NRXN1: variants seen among roughly 807,000 people sequenced by gnomAD.
NRXN1 encodes the protein neurexin 1.
NRXN1 carries 39 observed loss-of-function variants against 150.9 expected under a neutral mutation model. The observed-to-expected ratio is 0.26, with a 90% confidence interval of 0.20 to 0.34. The LOEUF (loss-of-function observed/expected upper bound fraction) is 0.34, where lower values mean the gene tolerates loss of function less well. Among genes scored for constraint, NRXN1 ranks in the 10% least tolerant of loss-of-function variants. The pLI, the probability that NRXN1 is intolerant of heterozygous loss-of-function variation, is 1.00. For synonymous variants in NRXN1, 924 were observed against 757.0 expected (o/e 1.22, Z -3.62); for missense variants, 1,815 against 1,949.9 (o/e 0.93, Z 1.30).
chr2:49,967,785 T>C (rs1194125944), intron 21 of NRXN1, among the ~76,000 whole-genome samples: 1 of 152,056 alleles, frequency 6.6e-6, no homozygotes, highest in Admixed American at 6.6e-5. Flanking sequence ...TGTGGAAAAC[T>C]AGAAAGTCAG....
Position 50,683,134 on chromosome 2 carries a change from A to G in NRXN1, c.833-59519T>C, listed in dbSNP as rs568176426. On this transcript the variant is annotated intron_variant, in intron 5 of 22. Coordinates refer to ENST00000401669, the MANE Select transcript of NRXN1 (RefSeq NM_001330078.2). ...TCCTGCAATCCTAACTTCCCAGAGC[A>G]GACTACTAATATATTACAAAGTAAT... Among the ~76,000 whole-genome samples, 8 of 152,194 alleles carry G rather than the reference A, an allele frequency of 5.3e-5. No homozygotes were observed. The South Asian group carries it at 1.5e-3, about 28-fold the overall frequency.
chr2:50,300,475 C>T (rs2074045636), intron 17 of NRXN1, among the ~76,000 whole-genome samples: 1 of 152,168 alleles, frequency 6.6e-6, no homozygotes, highest in Non-Finnish European at 1.5e-5. Context: ...TTAAAATTGT[C>T]CCATTAATAA....
intron 5 of NRXN1, among the ~76,000 whole-genome samples, chr2:50,726,808 A>G (rs1239147405): frequency 6.6e-6 from 1 of 152,206 alleles, no homozygotes; most frequent in African/African-American, 2.4e-5. Context: ...CCTAATGGAA[A>G]TAAGGGTAAC....
chr2:50,372,908 A>C (rs973278885), intron 17 of NRXN1, among the ~76,000 whole-genome samples: 3 of 152,112 alleles, frequency 2.0e-5, no homozygotes, highest in Non-Finnish European at 2.9e-5. Context: ...CTTCAAAAAC[A>C]CACCTTACCA....
chr2:49,947,560 C>T (rs1203132169), intron 21 of NRXN1, among the ~76,000 whole-genome samples: 32 of 129,726 alleles, frequency 2.5e-4, no homozygotes, highest in African/African-American at 8.9e-4. Flanking sequence ...CTCAGTCTCA[C>T]TGTGTTACCC....
rs562741098 is a variant in NRXN1 at position 49,926,037 on chromosome 2, A to G, written c.4217-3786T>C. ...AATGGAAAACTTCAGTAGGACTGAC[A>G]GTGGTCTACTACAAGCAAGGAGAGC... On this transcript the variant is annotated intron_variant, in intron 22 of 22. Coordinates refer to ENST00000401669, the MANE Select transcript of NRXN1 (RefSeq NM_001330078.2). 2.0e-5 allele frequency among the ~76,000 whole-genome samples: 3 copies of G among 152,364 alleles called. No individual in the cohort carries two copies. In the South Asian group the frequency reaches 6.2e-4, roughly 32 times the overall value.
chr2:49,943,706 A>T lies in NRXN1; in HGVS notation c.4214T>A (p.Leu1405Ter). 1 of 1,609,222 alleles carries T rather than the reference A, an allele frequency of 6.2e-7. No individual in the cohort carries two copies. The highest frequency in any genetic ancestry group is 8.5e-7 in the Non-Finnish European group (1 of 1,176,776). The change falls in exon 22 of 23, where the codon TTA (leucine) becomes TAA (stop). Residue 1405 changes from leucine to a stop codon, truncating the protein, a stop_gained and splice_region_variant. Coordinates refer to ENST00000401669, the MANE Select transcript of NRXN1 (RefSeq NM_001330078.2). LOFTEE classifies it high-confidence loss of function. ...IDPCEPSSGG[L>*]ANPTRAGGRE... Reference sequence around the variant, plus strand: ...AGTAAGAAAAAAAGTTGACTAACCTAACCCACCTGAGCTCGGCTCACAGGG... The same window carrying T: ...AGTAAGAAAAAAAGTTGACTAACCTTACCCACCTGAGCTCGGCTCACAGGG...
At chr2:50,251,697 T>C (rs989628248) in intron 17 of NRXN1, among the ~76,000 whole-genome samples, 19 of 152,178 alleles carry the variant, frequency 1.2e-4, no homozygotes, top group African/African-American at 4.6e-4. Context: ...GCATCTGCTG[T>C]TTCTTGACTC....
chr2:50,625,168 T>A (rs1474540812), intron 5 of NRXN1, among the ~76,000 whole-genome samples: 1 of 152,002 alleles, frequency 6.6e-6, no homozygotes, highest in Admixed American at 6.6e-5. Flanking sequence ...ACTATTTTCA[T>A]TTGATTGTCA....
chr2:50,435,059 G>A (rs6545170), intron 17 of NRXN1, among the ~76,000 whole-genome samples: 83,577 of 151,866 alleles, frequency 0.55, 26,774 homozygotes, highest in East Asian at 0.92. Context: ...GTATATTTAC[G>A]GGGTTATACT....
chr2:50,148,614 A>T (rs1026739091), intron 18 of NRXN1, among the ~76,000 whole-genome samples: 4 of 151,680 alleles, frequency 2.6e-5, no homozygotes, highest in African/African-American at 9.7e-5. Context: ...TTTCTGAAAA[A>T]GTTCCAAGTT....
At chr2:50,856,831 C>T (rs937144970) in intron 5 of NRXN1, among the ~76,000 whole-genome samples, 1 of 152,040 alleles carries the variant, frequency 6.6e-6, no homozygotes, top group African/African-American at 2.4e-5. Context: ...AGCAATATCA[C>T]GTTCCCATGT....
At chr2:50,578,550 A>G (rs1426794989) in intron 8 of NRXN1, among the ~76,000 whole-genome samples, 1 of 152,166 alleles carries the variant, frequency 6.6e-6, no homozygotes, top group Non-Finnish European at 1.5e-5. Context: ...TATTTACATA[A>G]ACACAGTCTA....
intron 17 of NRXN1, among the ~76,000 whole-genome samples, chr2:50,241,350 G>A (rs1410313821): frequency 6.6e-6 from 1 of 151,704 alleles, no homozygotes; most frequent in Non-Finnish European, 1.5e-5. Context: ...AATATGCAGT[G>A]GCAGTACATC....
chr2:50,278,464 T>C (rs2070961904), intron 17 of NRXN1, among the ~76,000 whole-genome samples: 1 of 150,248 alleles, frequency 6.7e-6, no homozygotes, highest in Non-Finnish European at 1.5e-5. Flanking sequence ...TGATCATAGA[T>C]AGTACCTTTA....
chr2:50,446,242 A>C (rs185497998), intron 17 of NRXN1, among the ~76,000 whole-genome samples: 530 of 152,296 alleles, frequency 3.5e-3, no homozygotes, highest in African/African-American at 0.012. Flanking sequence ...TTTGTAATAT[A>C]TAAATTGTAC....
At chr2:50,984,100 T>C (rs928303362) in intron 2 of NRXN1, among the ~76,000 whole-genome samples, 14 of 150,916 alleles carry the variant, frequency 9.3e-5, no homozygotes, top group Non-Finnish European at 2.1e-4. Flanking sequence ...CCCAAGTAGC[T>C]ATGACTACAG....
chr2:49,941,854 AG>A (rs1235793760), intron 22 of NRXN1, among the ~76,000 whole-genome samples: 8 of 152,332 alleles, frequency 5.3e-5, no homozygotes, highest in African/African-American at 1.9e-4. Flanking sequence ...GATAGAAAAA[AG>A]AATGTCCTGG....
At chr2:50,539,953 A>G (rs13413672) in intron 9 of NRXN1, among the ~76,000 whole-genome samples, 14,665 of 152,208 alleles carry the variant, frequency 0.096, 1,556 homozygotes, top group African/African-American at 0.26. Context: ...GTGAAAACAC[A>G]TATCTAACTA....
Sources: allele counts gnomAD v4.1 joint callset (sites outside exome capture counted in the v4.1 genomes callset), GRCh38; gene constraint gnomAD v4.1.1; transcripts MANE v1.5; gene names NCBI Gene and HGNC (gene_info 2026-07-23, HGNC 2026-07-21).